DMD: variants seen among roughly 807,000 people sequenced by gnomAD.
The protein encoded by DMD is mutant dystrophin.
Under a neutral mutation model 330.1 loss-of-function variants are expected in DMD, and 63 were observed. The ratio of observed to expected loss-of-function variants is 0.19; its 90% CI spans 0.16 to 0.24. The LOEUF is 0.24. Ranked by LOEUF, DMD falls within the 10% of genes least tolerant of loss-of-function variation. The probability of loss-of-function intolerance (pLI) is 1.00; values close to 1 mark genes in which losing one functional copy is unlikely to be tolerated. For missense variants in DMD, 3,344 were observed against 2,684.1 expected (o/e 1.25, Z -5.43); for synonymous variants, 1,223 against 959.8 (o/e 1.27, Z -5.07).
At chrX:33,325,402 CTTCT>C (rs1432883253) in intron 1 of DMD, among the ~76,000 whole-genome samples, 1 of 109,390 alleles carries the variant, frequency 9.1e-6, no homozygotes, top group Non-Finnish European at 1.9e-5. Context: ...AATTTGTTCA[CTTCT>C]TTATTAATTT....
At position 32,215,136 on chromosome X, in the gene DMD, T is replaced by C. The variant is rs781224250; in HGVS notation, c.6438+1780A>G. On this transcript the variant is annotated intron_variant, in intron 44 of 78. Coordinates refer to ENST00000357033, the MANE Select transcript of DMD (RefSeq NM_004006.3). The stretch of plus-strand genomic sequence containing the variant: ...ATGGGATTAGCCATAGATTAGACTT[T>C]GAAAAAGATTAGTCAATTTGACAAT... Among the ~76,000 whole-genome samples, 12 of 111,428 alleles carry C rather than the reference T, an allele frequency of 1.1e-4. No individual in the cohort carries two copies. In the South Asian group the frequency reaches 4.5e-3, roughly 42 times the overall value.
intron 55 of DMD, chrX:31,508,560 T>A (rs2071179729): frequency 6.5e-6 from 1 of 153,281 alleles, no homozygotes; most frequent in Admixed American, 7.9e-5. Context: ...ATTCATTTTA[T>A]ATATGTGTTT....
At chrX:31,576,916 C>T (rs1276361561) in intron 55 of DMD, among the ~76,000 whole-genome samples, 3 of 110,112 alleles carry the variant, frequency 2.7e-5, no homozygotes, top group Admixed American at 9.7e-5. Flanking sequence ...AGGGTTTCAC[C>T]GTGTTAGCCA....
intron 43 of DMD, among the ~76,000 whole-genome samples, chrX:32,287,035 A>T (rs1029222400): frequency 1.8e-5 from 2 of 111,205 alleles, no homozygotes; most frequent in Non-Finnish European, 3.8e-5. Context: ...ACATGATTTT[A>T]AATCAACTTA....
chrX:32,057,469 C>A (rs952631288), intron 44 of DMD, among the ~76,000 whole-genome samples: 1 of 110,642 alleles, frequency 9.0e-6, no homozygotes, highest in African/African-American at 3.3e-5. Flanking sequence ...TTTCTATACG[C>A]TAGCAACATA....
intron 1 of DMD, among the ~76,000 whole-genome samples, chrX:33,205,424 G>A (rs771375841): frequency 4.5e-5 from 5 of 111,798 alleles, no homozygotes; most frequent in Non-Finnish European, 9.4e-5. Context: ...AGCTTCCAAG[G>A]CTAAAATCTG....
rs1407770224 is a variant in DMD at position 32,632,582 on chromosome X, T to G, written c.1331+11550A>C. ...GAAACCCAGGCTTTTCCATACAACC[T>G]CTAAAATCTAGATGGATGTTCCCAA... On this transcript the variant is annotated intron_variant, in intron 11 of 78. Coordinates refer to ENST00000357033, the MANE Select transcript of DMD (RefSeq NM_004006.3). 2.7e-5 allele frequency among the ~76,000 whole-genome samples: 3 copies of G among 112,431 alleles called. No homozygotes were observed. In the East Asian group the frequency reaches 8.5e-4, roughly 32 times the overall value.
In DMD at chrX:31,972,889, A is replaced by T. The variant is rs185195282; in HGVS notation, c.6439-4375T>A. On this transcript the variant is annotated intron_variant, in intron 44 of 78. Transcript: ENST00000357033. ...GTTTTTTTATCCTAAGGTCATTCTC[A>T]TTGTGTCTCTTCGTCAGTGCCAAGA... Among the ~76,000 whole-genome samples, 630 of 111,468 alleles carry T rather than the reference A, an allele frequency of 5.7e-3. 3 individuals carry two copies. The highest frequency in any genetic ancestry group is 0.02 in the South Asian group (55 of 2,685).
chrX:33,033,258 T>A (rs995220212), intron 1 of DMD, among the ~76,000 whole-genome samples: 1 of 110,401 alleles, frequency 9.1e-6, no homozygotes, highest in African/African-American at 3.3e-5. Context: ...AGGTTTATTA[T>A]GCCACTGGAT....
At chrX:31,365,614 CTCT>C (rs935770366) in intron 60 of DMD, among the ~76,000 whole-genome samples, 1 of 112,256 alleles carries the variant, frequency 8.9e-6, no homozygotes, top group African/African-American at 3.2e-5. Context: ...CCCCCTATGT[CTCT>C]TCTTTTTAAA....
intron 2 of DMD, among the ~76,000 whole-genome samples, chrX:32,923,746 A>G (rs1317148753): frequency 8.9e-6 from 1 of 111,826 alleles, no homozygotes; most frequent in African/African-American, 3.2e-5. Context: ...ATATTTTTAA[A>G]AAGATAATTC....
chrX:33,295,598 G>A (rs966751499), intron 1 of DMD, among the ~76,000 whole-genome samples: 8 of 111,250 alleles, frequency 7.2e-5, no homozygotes, highest in African/African-American at 2.3e-4. Context: ...CTGAAAATTC[G>A]TCAGCAACTC....
intron 44 of DMD, among the ~76,000 whole-genome samples, chrX:32,025,278 A>G (rs1481174630): frequency 8.9e-6 from 1 of 112,645 alleles, no homozygotes; most frequent in African/African-American, 3.2e-5. Flanking sequence ...ACTATTAAAA[A>G]TAGGTTTAGT....
At chrX:32,472,083 T>A in intron 22 of DMD, 81 bp downstream of exon 22, 1 of 1,108,924 alleles carries the variant, frequency 9.0e-7, no homozygotes. Flanking sequence ...TGACTTAAAT[T>A]CTAATATTAT....
At chrX:32,413,206 A>G (rs1224440871) in intron 29 of DMD, among the ~76,000 whole-genome samples, 1 of 110,698 alleles carries the variant, frequency 9.0e-6, no homozygotes, top group African/African-American at 3.3e-5. Flanking sequence ...CCATACTTGC[A>G]TGTTATCTCA....
intron 7 of DMD, among the ~76,000 whole-genome samples, chrX:32,805,238 A>T (rs1431243672): frequency 8.9e-6 from 1 of 112,007 alleles, no homozygotes; most frequent in African/African-American, 3.2e-5. Flanking sequence ...GGAGTTGCTA[A>T]CTACAATAAC....
At chrX:32,938,651 TA>T (rs1205282979) in intron 2 of DMD, among the ~76,000 whole-genome samples, 29 of 111,737 alleles carry the variant, frequency 2.6e-4, no homozygotes, top group African/African-American at 6.5e-4. Flanking sequence ...AGGATGTTTT[TA>T]TTTTAAACTA....
At chrX:31,325,155 T>C (rs1176369645) in intron 61 of DMD, among the ~76,000 whole-genome samples, 1 of 111,846 alleles carries the variant, frequency 8.9e-6, no homozygotes, top group African/African-American at 3.3e-5. Context: ...TCTCTATTCC[T>C]TTCTTTTCCC....
chrX:32,431,898 G>A (rs200894710), intron 29 of DMD, among the ~76,000 whole-genome samples: 58 of 111,048 alleles, frequency 5.2e-4, no homozygotes, highest in African/African-American at 1.9e-3. Flanking sequence ...ATGTGTTTAT[G>A]ATGAGCTCAA....
Sources: allele counts gnomAD v4.1 joint callset (sites outside exome capture counted in the v4.1 genomes callset), GRCh38; gene constraint gnomAD v4.1.1; transcripts MANE v1.5; gene names NCBI Gene and HGNC (gene_info 2026-07-23, HGNC 2026-07-21).